CCNJ: variants seen among roughly 807,000 people sequenced by gnomAD.
CCNJ encodes the protein cyclin-J.
In CCNJ, 12 loss-of-function variants were observed where a neutral mutation model predicts 41.4. The observed-to-expected ratio is 0.29, with a 90% CI of 0.19 to 0.47. The LOEUF (loss-of-function observed/expected upper bound fraction) is 0.47. CCNJ is among the 20% of genes least tolerant of loss of function. CCNJ has a pLI of 1.00. For missense variants in CCNJ, 340 were observed against 464.6 expected (o/e 0.73, Z 2.47); for synonymous variants, 161 against 173.4 (o/e 0.93, Z 0.56).
At position 96,058,577 on chromosome 10, in the gene CCNJ, C is replaced by G. The variant is rs2080754799; in HGVS notation, c.*336C>G. On this transcript the variant is annotated 3_prime_UTR_variant, in exon 6 of 6. Transcript: ENST00000465148. ...TTTGAGATTTGACCTGTGGTAGCAT[C>G]TGGGCCTAATGTTGGCTTCTAAGTC... is the stretch of plus-strand genomic sequence containing the variant. 1 of 435,052 alleles carries G rather than the reference C, an allele frequency of 2.3e-6. No homozygotes were observed. The highest frequency in any genetic ancestry group is 8.0e-5 in the South Asian group (1 of 12,476). The allele number at this position is 435,052 out of a possible 1,614,324, so 26.9% of individuals were successfully genotyped here.
At position 96,051,044 on chromosome 10, in the gene CCNJ, C is replaced by T. The variant is rs552491013; in HGVS notation, c.280+578C>T. 3.5e-4 allele frequency among the ~76,000 whole-genome samples: 54 copies of T among 152,230 alleles called. No homozygotes were observed. The South Asian group carries it at 0.011, about 30-fold the overall frequency. On this transcript the variant is annotated intron_variant, in intron 3 of 5. Coordinates refer to ENST00000465148, the MANE Select transcript of CCNJ (RefSeq NM_001134375.2). ...AGTTGAGAAACTGTCTTAAAAGTACCATATTCTTATATTAGAATACTTTCT... is the reference window on the plus strand; with the variant it reads ...AGTTGAGAAACTGTCTTAAAAGTACTATATTCTTATATTAGAATACTTTCT...
chr10:96,056,253 G>A (rs1443372195), intron 3 of CCNJ, among the ~76,000 whole-genome samples: 5 of 151,206 alleles, frequency 3.3e-5, no homozygotes, highest in African/African-American at 1.2e-4. Flanking sequence ...AGCTTGCAGT[G>A]AGCCGAGATC....
intron 2 of CCNJ, among the ~76,000 whole-genome samples, chr10:96,049,942 TC>T (rs1420809219): frequency 6.6e-6 from 1 of 152,156 alleles, no homozygotes; most frequent in African/African-American, 2.4e-5. Context: ...GGGATGTTTT[TC>T]TGAAAACACC....
chr10:96,058,338 A>G lies in CCNJ; in HGVS notation c.*97A>G. On this transcript the variant is annotated 3_prime_UTR_variant, in exon 6 of 6. Coordinates refer to ENST00000465148, the MANE Select transcript of CCNJ (RefSeq NM_001134375.2). Reference sequence around the variant, plus strand: ...TCTGTTCAAAAGGAAAGGGATCTAAATGACATCAGAACTCTTCAGGTACCA... The same window carrying G: ...TCTGTTCAAAAGGAAAGGGATCTAAGTGACATCAGAACTCTTCAGGTACCA... 1 of 1,006,078 alleles carries G rather than the reference A, an allele frequency of 9.9e-7. No individual in the cohort carries two copies. Among genetic ancestry groups the G allele is most frequent in the African/African-American group, 1.6e-5 (1 of 62,624 alleles). 62.3% of individuals were successfully genotyped at this position (1,006,078 alleles called of 1,614,324 possible). A position where few individuals can be genotyped will look rare whatever the true frequency, so the allele number is the denominator to read the frequency against.
chr10:96,056,646 A>G (rs182826168), intron 3 of CCNJ, 55 bp from the exon 4 acceptor site: 7 of 1,341,412 alleles, frequency 5.2e-6, no homozygotes, highest in Non-Finnish European at 7.2e-6. Flanking sequence ...GACTAGACCA[A>G]TAATGATCAC....
In CCNJ at chr10:96,050,277, A is replaced by G; in HGVS notation, c.91A>G (p.Lys31Glu). The change falls in exon 3 of 6, where the codon AAA becomes GAA. Residue 31 changes from lysine (K) to glutamate (E), a missense_variant. By Grantham distance (56) the Lys-to-Glu change is moderately conservative. This residue lies in a region of CCNJ where 44 missense variants were observed against 43.6 expected (regional missense o/e 1.01). Transcript: ENST00000465148. The part of the protein sequence containing the change: ...RYKELKLPSY[K>E]GQSPQLSLRR... The stretch of plus-strand genomic sequence containing the variant: ...TTAGGAGCTGAAGTTGCCCTCCTAT[A>G]AAGGCCAGTCCCCTCAGTTAAGTCT... 6.2e-7 allele frequency: 1 copy of G among 1,613,998 alleles called. No homozygotes were observed. The highest frequency in any genetic ancestry group is 8.5e-7 in the Non-Finnish European group (1 of 1,179,910).
chr10:96,046,943 A>G (rs954272871), intron 2 of CCNJ, among the ~76,000 whole-genome samples: 2 of 152,196 alleles, frequency 1.3e-5, no homozygotes, highest in African/African-American at 4.8e-5. Flanking sequence ...AGTGAAGTCC[A>G]TCAGTGTTTT....
At position 96,058,543 on chromosome 10, in the gene CCNJ, A is replaced by C; in HGVS notation, c.*302A>C. ...CAACAGAAAATTTGGACAGACTTCA[A>C]TTTGCCATTTTGAGATTTGACCTGT... On this transcript the variant is annotated 3_prime_UTR_variant, in exon 6 of 6. Transcript: ENST00000465148. 2.2e-6 allele frequency: 1 copy of C among 459,006 alleles called. No homozygotes were observed. Among genetic ancestry groups the C allele is most frequent in the Non-Finnish European group, 3.8e-6 (1 of 260,668 alleles). 28.4% of individuals were successfully genotyped at this position (459,006 alleles called of 1,614,324 possible).
intron 3 of CCNJ, among the ~76,000 whole-genome samples, chr10:96,050,692 C>T (rs2080497189): frequency 6.6e-6 from 1 of 152,142 alleles, no homozygotes; most frequent in East Asian, 1.9e-4. Context: ...CATTCTCGGC[C>T]ACTCCAGATC....
intron 2 of CCNJ, among the ~76,000 whole-genome samples, 186 bp downstream of exon 2, chr10:96,044,648 C>T (rs1564699941): frequency 6.6e-6 from 1 of 152,200 alleles, no homozygotes; most frequent in Non-Finnish European, 1.5e-5. Context: ...TCAAAAGAAC[C>T]TGCAACCTGA....
At chr10:96,051,463 T>C (rs994112406) in intron 3 of CCNJ, among the ~76,000 whole-genome samples, 1 of 152,226 alleles carries the variant, frequency 6.6e-6, no homozygotes, top group Non-Finnish European at 1.5e-5. Context: ...CTTTTAACTC[T>C]CACTTGAGGG....
At chr10:96,046,660 T>C (rs1188955381) in intron 2 of CCNJ, among the ~76,000 whole-genome samples, 1 of 152,206 alleles carries the variant, frequency 6.6e-6, no homozygotes, top group Non-Finnish European at 1.5e-5. Context: ...GAAGGTATTC[T>C]ATGTTTAGGC....
At position 96,044,450 on chromosome 10, in the gene CCNJ, G is replaced by C; in HGVS notation, c.57G>C (p.Ala19=). The change falls in exon 2 of 6, where the codon GCG becomes GCC. Residue 19 remains alanine, a synonymous_variant. Transcript: ENST00000465148. ...RGQLAADIHQ[A]LRYKELKLPS... ...AGCTGGCCGCCGATATTCACCAAGC[G>C]CTTCGCTACAAGGTAACTCCGAGGC... 2.6e-6 allele frequency: 4 copies of C among 1,557,910 alleles called. No homozygotes were observed. The highest frequency in any genetic ancestry group is 3.5e-6 in the Non-Finnish European group (4 of 1,146,670).
At chr10:96,056,324 T>C (rs977295288) in intron 3 of CCNJ, among the ~76,000 whole-genome samples, 4 of 150,832 alleles carry the variant, frequency 2.7e-5, no homozygotes, top group African/African-American at 9.8e-5. Flanking sequence ...AAAAAAAAAC[T>C]ATCTTCTACT....
At position 96,058,137 on chromosome 10, in the gene CCNJ, C is replaced by G. The variant is rs764671643; in HGVS notation, c.1048C>G (p.Leu350Val). Residue 350 changes from leucine to valine, a missense_variant, in exon 6 of 6, where the codon CTG becomes GTG. Transcript: ENST00000465148. ...GHMQTGVGMS[L>V]AIPVEVKPCL... The stretch of plus-strand genomic sequence containing the variant: ...CATGCAGACTGGTGTTGGGATGTCA[C>G]TGGCAATACCAGTAGAAGTTAAGCC... 6.2e-7 allele frequency: 1 copy of G among 1,614,106 alleles called. No individual in the cohort carries two copies. The highest frequency in any genetic ancestry group is 8.5e-7 in the Non-Finnish European group (1 of 1,179,942).
intron 2 of CCNJ, among the ~76,000 whole-genome samples, chr10:96,049,926 T>C (rs1024481605): frequency 2.0e-5 from 3 of 152,068 alleles, no homozygotes; most frequent in African/African-American, 7.2e-5. Context: ...TGTGGTTGGT[T>C]TGTCAGGGAT....
chr10:96,057,299 T>C (rs1325350732), intron 5 of CCNJ, 52 bp downstream of exon 5: 3 of 1,499,988 alleles, frequency 2.0e-6, no homozygotes, highest in Non-Finnish European at 9.2e-7. Context: ...GTTTTCTTCA[T>C]GTATGAGGTG....
intron 3 of CCNJ, among the ~76,000 whole-genome samples, chr10:96,051,437 G>T (rs544234856): frequency 6.6e-6 from 1 of 152,254 alleles, no homozygotes; most frequent in East Asian, 1.9e-4. Flanking sequence ...GTATGTAGAT[G>T]TATTGATAAC....
chr10:96,059,921 T>C lies in CCNJ; in HGVS notation c.*1680T>C, dbSNP rs1394476850. On this transcript the variant is annotated 3_prime_UTR_variant, in exon 6 of 6. Coordinates refer to ENST00000465148, the MANE Select transcript of CCNJ (RefSeq NM_001134375.2). ...AAATATCCTTTCCTTAAAAAGAAAA[T>C]AACTTTTATATTTAGAGTACATAGG... 1.3e-5 allele frequency: 2 copies of C among 152,554 alleles called. No individual in the cohort carries two copies. Among genetic ancestry groups the C allele is most frequent in the African/African-American group, 4.8e-5 (2 of 41,402 alleles). The allele number at this position is 152,554 out of a possible 1,614,324, so 9.5% of individuals were successfully genotyped here.
Sources: gnomAD v4.1 joint callset for allele counts (sites outside exome capture counted in the v4.1 genomes callset) on GRCh38, gnomAD v4.1.1 for gene constraint, gnomAD v4.1.1 regional missense constraint, MANE v1.5 for transcripts, NCBI Gene and HGNC (gene_info 2026-07-23, HGNC 2026-07-21) for gene names.